Variants in ZBED6 observed in about 807,000 individuals in gnomAD.
ZBED6 encodes the protein zinc finger BED-type containing 6.
In ZBED6, 40 loss-of-function variants were observed where a neutral mutation model predicts 58.4. The ratio of observed to expected loss-of-function variants is 0.68; its 90% confidence interval spans 0.53 to 0.89. ZBED6 has a LOEUF of 0.89. Among genes scored for constraint, ZBED6 ranks in the 40% least tolerant of loss-of-function variants. The probability of loss-of-function intolerance (pLI) is 0.00; values close to 1 mark genes in which losing one functional copy is unlikely to be tolerated. For synonymous variants in ZBED6, 439 were observed against 350.6 expected (o/e 1.25, Z -2.82); for missense variants, 1,057 against 1,003.9 (o/e 1.05, Z -0.71).
Position 203,828,075 on chromosome 1 carries a change from G to A in ZBED6, c.*2874-224G>A, listed in dbSNP as rs537272724. 3.9e-4 allele frequency among the ~76,000 whole-genome samples: 59 copies of A among 152,180 alleles called. 1 individual carries two copies. Reference sequence around the variant, plus strand: ...ACATTTTAGGGGTTCCAGGATGAGGGTAAAAAGGGAAAGAATAACATAAAC... The same window carrying A: ...ACATTTTAGGGGTTCCAGGATGAGGATAAAAAGGGAAAGAATAACATAAAC... On this transcript the variant is annotated intron_variant, in intron 3 of 16. Transcript: ENST00000550078.
At chr1:203,831,490 C>G (rs1682345825) in intron 7 of ZBED6, among the ~76,000 whole-genome samples, 171 bp from the exon 8 acceptor site, 1 of 152,174 alleles carries the variant, frequency 6.6e-6, no homozygotes, top group South Asian at 2.1e-4. Context: ...CAAGGCTCCC[C>G]TCACCACTAC....
exon 1 of ZBED6, chr1:203,799,994 G>A: frequency 6.5e-7 from 1 of 1,536,088 alleles, no homozygotes; most frequent in Non-Finnish European, 8.7e-7. Flanking sequence ...CAGTTACAGT[G>A]GGAGCTGATT....
At chr1:203,824,648 A>G (rs994975926) in intron 3 of ZBED6, among the ~76,000 whole-genome samples, 1 of 115,232 alleles carries the variant, frequency 8.7e-6, no homozygotes, top group Non-Finnish European at 2.0e-5. Context: ...ACTGTAAACA[A>G]GTGTCCTTTT....
chr1:203,843,415 T>C (rs1687020377), intron 11 of ZBED6, among the ~76,000 whole-genome samples: 1 of 152,238 alleles, frequency 6.6e-6, no homozygotes, highest in East Asian at 1.9e-4. Flanking sequence ...GTTGGAACTT[T>C]GGGACATATG....
chr1:203,815,216 CTT>C (rs59254922), intron 1 of ZBED6, among the ~76,000 whole-genome samples: 2 of 97,152 alleles, frequency 2.1e-5, no homozygotes, highest in African/African-American at 7.8e-5. Context: ...CTTTTCTTTT[CTT>C]TTTTTTTTTT....
At chr1:203,824,148 G>A (rs1438156463) in intron 3 of ZBED6, among the ~76,000 whole-genome samples, 1 of 151,914 alleles carries the variant, frequency 6.6e-6, no homozygotes, top group Non-Finnish European at 1.5e-5. Flanking sequence ...CAGCCATGTA[G>A]TCCCAGCTAC....
intron 2 of ZBED6, among the ~76,000 whole-genome samples, chr1:203,817,502 TC>T (rs1676747264): frequency 6.6e-6 from 1 of 150,874 alleles, no homozygotes; most frequent in African/African-American, 2.4e-5. Context: ...GTGTTGTACT[TC>T]CAGAAACTGT....
chr1:203,833,232 G>A (rs1362994895), intron 8 of ZBED6, among the ~76,000 whole-genome samples: 1 of 152,110 alleles, frequency 6.6e-6, no homozygotes, highest in East Asian at 1.9e-4. Context: ...GCTGGGCATG[G>A]TGGTGCACGC....
At chr1:203,819,260 C>T (rs1201253872) in intron 3 of ZBED6, among the ~76,000 whole-genome samples, 6 of 142,714 alleles carry the variant, frequency 4.2e-5, no homozygotes, top group Middle Eastern at 4.1e-3. Context: ...CTCACTCTGT[C>T]GCCCACGCTG....
At chr1:203,830,875 T>A (rs1682033445) in intron 7 of ZBED6, among the ~76,000 whole-genome samples, 1 of 151,664 alleles carries the variant, frequency 6.6e-6, no homozygotes, top group South Asian at 2.1e-4. Flanking sequence ...CTGCTAGGAT[T>A]TTCTTCTGGA....
chr1:203,840,259 A>T (rs1251005045), intron 10 of ZBED6, 47 bp from the exon 11 acceptor site: 1 of 1,589,280 alleles, frequency 6.3e-7, no homozygotes, highest in Non-Finnish European at 8.6e-7. Context: ...TAAGCTGTAA[A>T]AAGTTTCTGT....
intron 3 of ZBED6, among the ~76,000 whole-genome samples, chr1:203,821,502 T>G (rs1389023531): frequency 6.6e-6 from 1 of 152,188 alleles, no homozygotes; most frequent in Non-Finnish European, 1.5e-5. Flanking sequence ...TTTTGATGTT[T>G]CCATCATTCT....
At chr1:203,818,570 G>A (rs1677157087) in exon 3 of ZBED6, 2 of 1,613,804 alleles carry the variant, frequency 1.2e-6, no homozygotes, top group Non-Finnish European at 1.7e-6. Flanking sequence ...TTGTTTACAG[G>A]GTGACAGCTG....
intron 3 of ZBED6, among the ~76,000 whole-genome samples, chr1:203,819,178 A>G (rs1319116369): frequency 2.0e-5 from 3 of 150,626 alleles, no homozygotes; most frequent in Admixed American, 6.6e-5. Flanking sequence ...ATGTGTGTGT[A>G]TATATATACA....
At chr1:203,850,814 C>T in intron 15 of ZBED6, 133 bp downstream of exon 15, 2 of 1,322,734 alleles carry the variant, frequency 1.5e-6, no homozygotes, top group Non-Finnish European at 1.0e-6. Flanking sequence ...ATTTGGGTTA[C>T]TACTGTATTT....
chr1:203,796,036 C>T (rs1333389923), exon 1 of ZBED6: 1 of 146,792 alleles, frequency 6.8e-6, no homozygotes, highest in Non-Finnish European at 1.5e-5. Flanking sequence ...CCACCCCCAC[C>T]CCGTTCACCC....
exon 14 of ZBED6, chr1:203,849,863 G>T: frequency 6.2e-7 from 1 of 1,614,004 alleles, no homozygotes. Context: ...ATACCCAAGT[G>T]GCAGAGAAAC....
At chr1:203,847,412 A>G in exon 12 of ZBED6, 1 of 1,613,990 alleles carries the variant, frequency 6.2e-7, no homozygotes, top group Non-Finnish European at 8.5e-7. Context: ...GAGAGACAAA[A>G]AAGCAAAAAG....
chr1:203,815,211 C>CTTTCT (rs779729339), intron 1 of ZBED6, among the ~76,000 whole-genome samples: 1,144 of 59,246 alleles, frequency 0.019, 45 homozygotes, highest in African/African-American at 0.05. Flanking sequence ...TCTTCCTTTT[C>CTTTCT]TTTTCTTTTT....
Sources: gnomAD v4.1 joint callset for allele counts (sites outside exome capture counted in the v4.1 genomes callset) on GRCh38, gnomAD v4.1.1 for gene constraint, MANE v1.5 for transcripts, NCBI Gene and HGNC (gene_info 2026-07-23, HGNC 2026-07-21) for gene names.